AMMECR1: variants seen among roughly 807,000 people sequenced by gnomAD.
AMMECR1 encodes nuclear protein AMMECR1.
Under a neutral mutation model 22.5 loss-of-function variants are expected in AMMECR1, and 3 were observed. The ratio of observed to expected loss-of-function variants is 0.13; its 90% CI spans 0.06 to 0.35. The LOEUF (loss-of-function observed/expected upper bound fraction) is 0.35, where lower values mean the gene tolerates loss of function less well. AMMECR1 is among the 10% of genes least tolerant of loss of function. AMMECR1 has a pLI of 1.00. For missense variants in AMMECR1, 235 were observed against 278.7 expected (o/e 0.84, Z 1.12); for synonymous variants, 130 against 116.7 (o/e 1.11, Z -0.74).
chrX:110,373,617 C>A (rs1175886180), intron 2 of AMMECR1, among the ~76,000 whole-genome samples: 2 of 112,244 alleles, frequency 1.8e-5, no homozygotes. Flanking sequence ...AATTATGTCC[C>A]AAGAAACTAC....
intron 1 of AMMECR1, 138 bp from the exon 2 acceptor site, chrX:110,264,737 C>A: frequency 4.9e-6 from 2 of 409,671 alleles, no homozygotes; most frequent in Non-Finnish European, 8.5e-6. Flanking sequence ...CACAGGCCAG[C>A]CCAATAGGAC....
At chrX:110,422,834 T>C (rs888955821) in intron 2 of AMMECR1, among the ~76,000 whole-genome samples, 4 of 112,315 alleles carry the variant, frequency 3.6e-5, no homozygotes, top group Non-Finnish European at 7.5e-5. Context: ...AATGCTATTC[T>C]GTTGCCTTGG....
chrX:110,428,455 C>T (rs1292902663), intron 1 of AMMECR1, among the ~76,000 whole-genome samples: 1 of 112,028 alleles, frequency 8.9e-6, no homozygotes, highest in Non-Finnish European at 1.9e-5. Context: ...CCATAACCAT[C>T]TGCAGAACGA....
At chrX:110,263,364 A>G (rs1602840330) in intron 2 of AMMECR1, among the ~76,000 whole-genome samples, 1 of 111,819 alleles carries the variant, frequency 8.9e-6, no homozygotes, top group East Asian at 2.8e-4. Context: ...AAGCTAAAAA[A>G]TGAATATGAT....
intron 3 of AMMECR1, among the ~76,000 whole-genome samples, chrX:110,212,734 C>G (rs919652106): frequency 5.4e-5 from 6 of 111,330 alleles, no homozygotes; most frequent in Non-Finnish European, 9.4e-5. Flanking sequence ...ACTGACTTCT[C>G]AAAAAGGAAA....
At chrX:110,201,079 A>T in intron 4 of AMMECR1, 29 bp from the exon 5 acceptor site, 1 of 988,770 alleles carries the variant, frequency 1.0e-6, no homozygotes. Context: ...ATAAAATATC[A>T]GTCAAGCACA....
At chrX:110,287,152 A>G (rs2067884602) in intron 1 of AMMECR1, among the ~76,000 whole-genome samples, 1 of 112,023 alleles carries the variant, frequency 8.9e-6, no homozygotes, top group Non-Finnish European at 1.9e-5. Context: ...TAGGGTGTCA[A>G]AAGAGGGGAT....
intron 2 of AMMECR1, among the ~76,000 whole-genome samples, chrX:110,246,971 T>G: frequency 8.9e-6 from 1 of 112,294 alleles, no homozygotes; most frequent in Non-Finnish European, 1.9e-5. Flanking sequence ...ATTTCTGCTT[T>G]ACCATGTCCC....
At chrX:110,214,918 C>T (rs915913218) in intron 3 of AMMECR1, among the ~76,000 whole-genome samples, 5 of 111,429 alleles carry the variant, frequency 4.5e-5, no homozygotes, top group Admixed American at 9.5e-5. Context: ...GAGGAAACAG[C>T]AGCCTTAAAA....
intron 2 of AMMECR1, among the ~76,000 whole-genome samples, chrX:110,232,242 C>A (rs1015626068): frequency 1.8e-5 from 2 of 111,877 alleles, no homozygotes; most frequent in African/African-American, 6.5e-5. Context: ...CACACTTATT[C>A]TAAAACTGAC....
intron 2 of AMMECR1, among the ~76,000 whole-genome samples, chrX:110,339,776 G>A (rs1455956122): frequency 3.6e-5 from 4 of 111,409 alleles, no homozygotes; most frequent in African/African-American, 1.3e-4. Flanking sequence ...GATTATAGGC[G>A]TGAGCCACCA....
chrX:110,290,319 C>T (rs778249152), intron 1 of AMMECR1, among the ~76,000 whole-genome samples: 1 of 111,382 alleles, frequency 9.0e-6, no homozygotes, highest in Non-Finnish European at 1.9e-5. Flanking sequence ...CCAATGCTTA[C>T]CTCCTTAAAT....
chrX:110,283,576 T>C (rs772140913), intron 1 of AMMECR1, among the ~76,000 whole-genome samples: 38 of 112,135 alleles, frequency 3.4e-4, no homozygotes, highest in Admixed American at 7.5e-4. Flanking sequence ...CATCTTGCTG[T>C]GTCTCACACA....
At chrX:110,283,737 C>T (rs1045540106) in intron 1 of AMMECR1, among the ~76,000 whole-genome samples, 1 of 112,400 alleles carries the variant, frequency 8.9e-6, no homozygotes, top group East Asian at 2.8e-4. Context: ...ACATATAAAT[C>T]TGGTGGGAGG....
At chrX:110,393,572 T>G (rs1164587569) in intron 2 of AMMECR1, among the ~76,000 whole-genome samples, 1 of 111,945 alleles carries the variant, frequency 8.9e-6, no homozygotes, top group African/African-American at 3.2e-5. Flanking sequence ...CATATCATCA[T>G]CCCACTGGTG....
rs1187834120 is a variant in AMMECR1 at position 110,194,981 on chromosome X, GA to G, written c.*3538del. The G allele has an allele frequency of 8.9e-6, 1 of 111,934 alleles. No individual in the cohort carries two copies. The highest frequency in any genetic ancestry group is 2.8e-4 in the East Asian group (1 of 3,584). 9.2% of individuals were successfully genotyped at this position (111,934 alleles called of 1,213,427 possible). ...TAACATCACTAGCAAAAATCACTTAGAAACTGTACAAAAATAAAAAAGTTAA... is the reference window on the plus strand; with the variant it reads ...TAACATCACTAGCAAAAATCACTTAGAACTGTACAAAAATAAAAAAGTTAA... On this transcript the variant is annotated 3_prime_UTR_variant, in exon 6 of 6. Transcript: ENST00000262844.
At chrX:110,220,112 A>G (rs1010135928) in intron 2 of AMMECR1, among the ~76,000 whole-genome samples, 1 of 111,911 alleles carries the variant, frequency 8.9e-6, no homozygotes, top group African/African-American at 3.2e-5. Flanking sequence ...TTTTAGAGAG[A>G]ATACTGTAAT....
At chrX:110,223,453 G>T (rs1342620922) in intron 2 of AMMECR1, among the ~76,000 whole-genome samples, 1 of 111,535 alleles carries the variant, frequency 9.0e-6, no homozygotes, top group Non-Finnish European at 1.9e-5. Flanking sequence ...CGAGGCCTTG[G>T]CAAGAAAAAA....
At chrX:110,360,505 G>A (rs1482116258) in intron 2 of AMMECR1, among the ~76,000 whole-genome samples, 1 of 111,475 alleles carries the variant, frequency 9.0e-6, no homozygotes, top group Non-Finnish European at 1.9e-5. Context: ...AGAGAATGGT[G>A]GACAGAATTG....
Sources: allele counts gnomAD v4.1 joint callset (sites outside exome capture counted in the v4.1 genomes callset), GRCh38; gene constraint gnomAD v4.1.1; transcripts MANE v1.5; gene names NCBI Gene and HGNC (gene_info 2026-07-23, HGNC 2026-07-21).